Variants in NALF1 observed in about 807,000 individuals in gnomAD.
The protein encoded by NALF1 is NALCN channel auxiliary factor 1.
Under a neutral mutation model 48.4 loss-of-function variants are expected in NALF1, and 3 were observed. The ratio of observed to expected loss-of-function variants is 0.06; its 90% CI spans 0.03 to 0.16. NALF1 has a LOEUF of 0.16. Among genes scored for constraint, NALF1 ranks in the 10% least tolerant of loss-of-function variants. The probability of loss-of-function intolerance (pLI) is 1.00; values close to 1 mark genes in which losing one functional copy is unlikely to be tolerated. For missense variants in NALF1, 526 were observed against 571.5 expected, an observed-to-expected ratio of 0.92 and a Z score of 0.81; for synonymous variants, 262 against 245.7, an observed-to-expected ratio of 1.07 and a Z score of -0.62.
intron 1 of NALF1, among the ~76,000 whole-genome samples, chr13:107,285,405 C>T (rs971409677): frequency 2.0e-5 from 3 of 152,204 alleles, no homozygotes; most frequent in Non-Finnish European, 4.4e-5. Context: ...TAGGTACTGC[C>T]ACCTCTAAGC....
rs950948458 is a variant in NALF1 at position 107,309,191 on chromosome 13, G to A, written c.916-98436C>T. On this transcript the variant is annotated intron_variant, in intron 1 of 2. Transcript: ENST00000375915. Reference sequence around the variant, plus strand: ...AGGCCCTCAAAAAATGTTGATGGATGAATAAACAATTCAACAATGAGCAAA... The same window carrying A: ...AGGCCCTCAAAAAATGTTGATGGATAAATAAACAATTCAACAATGAGCAAA... Among the ~76,000 whole-genome samples the A allele has an allele frequency of 3.3e-5, 5 of 152,308 alleles. 1 individual carries two copies. The South Asian group carries it at 1.0e-3, about 32-fold the overall frequency.
intron 2 of NALF1, among the ~76,000 whole-genome samples, chr13:107,172,755 A>G (rs1174254457): frequency 6.6e-6 from 1 of 152,198 alleles, no homozygotes; most frequent in East Asian, 1.9e-4. Context: ...ATAAAAATAG[A>G]AATCTAGAAG....
intron 1 of NALF1, among the ~76,000 whole-genome samples, chr13:107,372,416 T>C (rs9301216): frequency 0.57 from 86,071 of 152,072 alleles, 25,022 homozygotes; most frequent in East Asian, 0.74. Flanking sequence ...ATATAAATTA[T>C]AATTTGCGTA....
chr13:107,848,845 G>C (rs1189597533), intron 1 of NALF1, among the ~76,000 whole-genome samples: 2 of 152,100 alleles, frequency 1.3e-5, no homozygotes, highest in Non-Finnish European at 1.5e-5. Context: ...ATACCTTCAA[G>C]AATCTACTTA....
intron 1 of NALF1, among the ~76,000 whole-genome samples, chr13:107,672,265 T>C (rs1177560351): frequency 6.6e-6 from 1 of 152,206 alleles, no homozygotes; most frequent in Non-Finnish European, 1.5e-5. Context: ...AGAGGAAGAT[T>C]GACTATTATA....
intron 1 of NALF1, among the ~76,000 whole-genome samples, chr13:107,341,248 T>C (rs1447561677): frequency 6.6e-6 from 1 of 152,098 alleles, no homozygotes; most frequent in Non-Finnish European, 1.5e-5. Context: ...AGTGAGCAGA[T>C]TGTCTAGGTG....
intron 1 of NALF1, among the ~76,000 whole-genome samples, chr13:107,771,713 G>T (rs960225076): frequency 6.6e-6 from 1 of 152,052 alleles, no homozygotes; most frequent in African/African-American, 2.4e-5. Context: ...AGAGTGTCCA[G>T]ATATCCAGAT....
intron 1 of NALF1, among the ~76,000 whole-genome samples, chr13:107,674,943 T>C (rs910744290): frequency 2.6e-5 from 4 of 152,136 alleles, no homozygotes; most frequent in Non-Finnish European, 5.9e-5. Context: ...ATGTGGACTG[T>C]TCTTAGTCTC....
intron 1 of NALF1, among the ~76,000 whole-genome samples, chr13:107,760,494 T>C (rs370181670): frequency 4.6e-5 from 7 of 152,336 alleles, no homozygotes; most frequent in African/African-American, 7.2e-5. Context: ...TGTTAGATGA[T>C]GAATTATATT....
At chr13:107,514,148 T>C (rs980910171) in intron 1 of NALF1, among the ~76,000 whole-genome samples, 1 of 152,192 alleles carries the variant, frequency 6.6e-6, no homozygotes, top group African/African-American at 2.4e-5. Context: ...TTCAAAGACA[T>C]CTTTTTGAAA....
intron 1 of NALF1, among the ~76,000 whole-genome samples, chr13:107,852,195 C>T (rs948433777): frequency 5.3e-5 from 8 of 152,042 alleles, no homozygotes; most frequent in African/African-American, 1.9e-4. Flanking sequence ...TCTTCCTTTC[C>T]TTTAATAAGC....
intron 1 of NALF1, among the ~76,000 whole-genome samples, chr13:107,536,567 A>T (rs2139114067): frequency 6.6e-6 from 1 of 152,310 alleles, no homozygotes; most frequent in Non-Finnish European, 1.5e-5. Flanking sequence ...ATCATTAAAA[A>T]GTCAGGAAAC....
intron 1 of NALF1, among the ~76,000 whole-genome samples, chr13:107,635,183 T>C (rs915158653): frequency 5.3e-5 from 8 of 152,122 alleles, no homozygotes; most frequent in Non-Finnish European, 1.2e-4. Flanking sequence ...ATTTACTATA[T>C]TAGTTCATCC....
chr13:107,545,312 G>A (rs112892339), intron 1 of NALF1, among the ~76,000 whole-genome samples: 2,008 of 152,334 alleles, frequency 0.013, 39 homozygotes, highest in African/African-American at 0.045. Context: ...CCTGGAAGCT[G>A]AGAGTGGGGC....
At chr13:107,460,316 T>C (rs1406930240) in intron 1 of NALF1, among the ~76,000 whole-genome samples, 1 of 152,206 alleles carries the variant, frequency 6.6e-6, no homozygotes, top group Middle Eastern at 3.2e-3. Context: ...AGAGGTCCTG[T>C]AGATGGGAGC....
chr13:107,713,620 T>G (rs1482314203), intron 1 of NALF1, among the ~76,000 whole-genome samples: 1 of 152,214 alleles, frequency 6.6e-6, no homozygotes, highest in African/African-American at 2.4e-5. Flanking sequence ...GTTCTTAACA[T>G]TGTGCTATTA....
At chr13:107,293,687 C>T (rs549238392) in intron 1 of NALF1, among the ~76,000 whole-genome samples, 1 of 152,112 alleles carries the variant, frequency 6.6e-6, no homozygotes, top group Non-Finnish European at 1.5e-5. Flanking sequence ...TCTCTTACAT[C>T]CTTGTGAAAA....
At chr13:107,212,628 C>A (rs1318887587) in intron 1 of NALF1, among the ~76,000 whole-genome samples, 1 of 152,106 alleles carries the variant, frequency 6.6e-6, no homozygotes, top group Non-Finnish European at 1.5e-5. Flanking sequence ...AAGTTGAAAA[C>A]GTTTGTCAAA....
In NALF1 at chr13:107,164,722, T is replaced by C. The variant is rs1878623806; in HGVS notation, c.*5775A>G. 6.6e-6 allele frequency: 1 copy of C among 152,038 alleles called. No homozygotes were observed. The highest frequency in any genetic ancestry group is 1.5e-5 in the Non-Finnish European group (1 of 68,032). 9.4% of individuals were successfully genotyped at this position (152,038 alleles called of 1,614,324 possible). A position where few individuals can be genotyped will look rare whatever the true frequency, so the allele number is the denominator to read the frequency against. ...GAGCTCACTTTAGTTCTGTAATATA[T>C]GTTAAGACTTTCAAACTGTATTGAA... On this transcript the variant is annotated 3_prime_UTR_variant, in exon 3 of 3. Coordinates refer to ENST00000375915, the MANE Select transcript of NALF1 (RefSeq NM_001080396.3).
Sources: allele counts gnomAD v4.1 joint callset (sites outside exome capture counted in the v4.1 genomes callset), GRCh38; gene constraint gnomAD v4.1.1; transcripts MANE v1.5; gene names NCBI Gene and HGNC (gene_info 2026-07-23, HGNC 2026-07-21).